Variants in SPARC observed in about 807,000 individuals in gnomAD.
SPARC encodes the protein basement-membrane protein 40.
A neutral mutation model predicts 37.7 loss-of-function variants in SPARC; 23 were observed. The ratio of observed to expected loss-of-function variants is 0.61; its 90% CI spans 0.44 to 0.87. The LOEUF is 0.87. Ranked by LOEUF, SPARC falls within the 40% of genes least tolerant of loss-of-function variation. The pLI, the probability that SPARC is intolerant of heterozygous loss-of-function variation, is 0.00. For missense variants in SPARC, 312 were observed against 389.0 expected (o/e 0.80, Z 1.66); for synonymous variants, 155 against 150.8 (o/e 1.03, Z -0.20).
chr5:151,685,424 A>T (rs77790865), intron 1 of SPARC, among the ~76,000 whole-genome samples: 2,465 of 53,854 alleles, frequency 0.046, 24 homozygotes, highest in East Asian at 0.14. Flanking sequence ...TCTCTCTCTC[A>T]CACACACACA....
At position 151,661,687 on chromosome 5, in the gene SPARC, T is replaced by C. The variant is rs1171298927; in HGVS notation, c.*1884A>G. On this transcript the variant is annotated 3_prime_UTR_variant, in exon 10 of 10. Transcript: ENST00000231061. ...GTCTTATGATGATCTAGAAGAGCAC[T>C]GTCCAATAGAACTTTCTGTGATGAT... 1 of 152,218 alleles carries C rather than the reference T, an allele frequency of 6.6e-6. No homozygotes were observed. Among genetic ancestry groups the C allele is most frequent in the African/African-American group, 2.4e-5 (1 of 41,456 alleles). The allele number at this position is 152,218 out of a possible 1,614,324, so 9.4% of individuals were successfully genotyped here. A position where few individuals can be genotyped will look rare whatever the true frequency, so the allele number is the denominator to read the frequency against.
chr5:151,665,027 G>A (rs3776959), intron 8 of SPARC, among the ~76,000 whole-genome samples: 1 of 151,912 alleles, frequency 6.6e-6, no homozygotes, highest in Non-Finnish European at 1.5e-5. Flanking sequence ...TCTAGACCTC[G>A]CAGCCCCACC....
intron 2 of SPARC, among the ~76,000 whole-genome samples, chr5:151,675,158 T>C (rs967527): frequency 0.17 from 26,444 of 152,136 alleles, 2,666 homozygotes; most frequent in East Asian, 0.37. Context: ...CACACAACTT[T>C]GAGGCCCTTA....
intron 1 of SPARC, 124 bp from the exon 2 acceptor site, chr5:151,676,325 G>A (rs763975427): frequency 9.1e-6 from 6 of 657,822 alleles, no homozygotes; most frequent in Non-Finnish European, 1.6e-5. Context: ...TGAAAAACAT[G>A]AGGAGGTTGG....
chr5:151,682,311 G>T (rs557579512), intron 1 of SPARC, among the ~76,000 whole-genome samples: 6 of 152,232 alleles, frequency 3.9e-5, no homozygotes, highest in Non-Finnish European at 8.8e-5. Flanking sequence ...ACTGTGGCTA[G>T]CAGAGGCTGG....
chr5:151,669,449 C>T (rs183113846), intron 6 of SPARC, among the ~76,000 whole-genome samples: 42 of 152,316 alleles, frequency 2.8e-4, no homozygotes, highest in Admixed American at 1.4e-3. Context: ...CTTCCATAAT[C>T]GCTCAGTCCT....
chr5:151,684,065 AGCAAGGAAAGCT>A (rs1433827479), intron 1 of SPARC, among the ~76,000 whole-genome samples: 4 of 152,176 alleles, frequency 2.6e-5, no homozygotes, highest in Non-Finnish European at 1.5e-5. Flanking sequence ...GCTTGTTTTC[AGCAAGGAAAGCT>A]GCTCTCATGA....
At chr5:151,683,517 TTC>T (rs1373644443) in intron 1 of SPARC, among the ~76,000 whole-genome samples, 1 of 152,228 alleles carries the variant, frequency 6.6e-6, no homozygotes, top group African/African-American at 2.4e-5. Context: ...GAGCCTCAGT[TTC>T]TCTCTCTCTG....
intron 8 of SPARC, among the ~76,000 whole-genome samples, chr5:151,664,470 A>T (rs1277038737): frequency 2.0e-5 from 3 of 152,196 alleles, no homozygotes; most frequent in African/African-American, 7.2e-5. Flanking sequence ...AGAGGAGGAG[A>T]TGGCCATAAT....
At chr5:151,678,554 G>C (rs1053507437) in intron 1 of SPARC, among the ~76,000 whole-genome samples, 2 of 152,174 alleles carry the variant, frequency 1.3e-5, no homozygotes, top group Non-Finnish European at 2.9e-5. Flanking sequence ...GGCATGGAAG[G>C]GTTCTTAGTC....
Position 151,667,477 on chromosome 5 carries a change from T to G in SPARC, c.575A>C (p.Gln192Pro). ...DEDNNLLTEK[Q>P]KLRVKKIHEN... is the part of the protein sequence containing the mutation. ...AGAGAGACCACTTACCCGCAGCTTC[T>G]GCTTCTCAGTCAGAAGGTTGTTGTC... The change falls in exon 7 of 10, where the codon CAG becomes CCG. Residue 192 changes from glutamine (Q) to proline (P), a missense_variant. Physicochemically the swap from Gln to Pro is moderately conservative, Grantham distance 76 (BLOSUM62 -1). Coordinates refer to ENST00000231061, the MANE Select transcript of SPARC (RefSeq NM_003118.4). 2 of 1,614,222 alleles carry G rather than the reference T, an allele frequency of 1.2e-6. No individual in the cohort carries two copies. Among genetic ancestry groups the G allele is most frequent in the Non-Finnish European group, 1.7e-6 (2 of 1,180,018 alleles).
At chr5:151,681,545 T>C (rs1367699165) in intron 1 of SPARC, among the ~76,000 whole-genome samples, 5 of 152,240 alleles carry the variant, frequency 3.3e-5, no homozygotes, top group African/African-American at 1.2e-4. Context: ...TTTTAGCATG[T>C]ACTGAACCAT....
At chr5:151,676,110 G>T in intron 2 of SPARC, 22 bp downstream of exon 2, 2 of 1,602,470 alleles carry the variant, frequency 1.2e-6, no homozygotes, top group Non-Finnish European at 8.5e-7. Context: ...AAAACAAGAA[G>T]ACATGATATT....
chr5:151,669,928 A>G, intron 5 of SPARC, 144 bp from the exon 6 acceptor site: 3 of 1,188,752 alleles, frequency 2.5e-6, no homozygotes, highest in Non-Finnish European at 3.6e-6. Flanking sequence ...AGTTAGTGAT[A>G]GGGCTGGGCC....
At chr5:151,684,389 T>G (rs1205527683) in intron 1 of SPARC, among the ~76,000 whole-genome samples, 3 of 151,494 alleles carry the variant, frequency 2.0e-5, no homozygotes, top group African/African-American at 7.3e-5. Flanking sequence ...TCTTTCCCAA[T>G]GTCAGGCACT....
intron 6 of SPARC, 74 bp downstream of exon 6, chr5:151,669,590 G>A: frequency 2.0e-6 from 3 of 1,528,706 alleles, no homozygotes; most frequent in South Asian, 2.4e-5. Flanking sequence ...CATGGGGGTG[G>A]CAGAGACAGC....
chr5:151,667,140 A>G lies in SPARC; in HGVS notation c.585+327T>C, dbSNP rs115899789. On this transcript the variant is annotated intron_variant, in intron 7 of 9. Transcript: ENST00000231061. The stretch of plus-strand genomic sequence containing the variant: ...GATGGGGCCAAGGAATCTGCATTTT[A>G]TCAGCTTCTTGGGGTAGTTAATATG... 2.5e-3 allele frequency among the ~76,000 whole-genome samples: 384 copies of G among 152,348 alleles called. 1 individual carries two copies. The Middle Eastern group carries it at 0.054, about 22-fold the overall frequency.
intron 1 of SPARC, among the ~76,000 whole-genome samples, chr5:151,684,014 C>A (rs1581533661): frequency 6.6e-6 from 1 of 152,218 alleles, no homozygotes; most frequent in African/African-American, 2.4e-5. Context: ...ACCTCACATC[C>A]TCAGCTCTTT....
At chr5:151,666,294 C>T in intron 8 of SPARC, 67 bp downstream of exon 8, 2 of 1,532,702 alleles carry the variant, frequency 1.3e-6, no homozygotes, top group Non-Finnish European at 1.8e-6. Context: ...TGCTGAGAGG[C>T]TTTCTGGCCA....
Sources: allele counts gnomAD v4.1 joint callset (sites outside exome capture counted in the v4.1 genomes callset), GRCh38; gene constraint gnomAD v4.1.1; transcripts MANE v1.5; gene names NCBI Gene and HGNC (gene_info 2026-07-23, HGNC 2026-07-21).